The following PDZD2 variants were observed in gnomAD, a reference collection of about 807,000 sequenced individuals.
PDZD2 encodes the protein PDZ domain-containing protein 2.
In PDZD2, 90 loss-of-function variants were observed where a neutral mutation model predicts 220.7. The ratio of observed to expected loss-of-function variants is 0.41; its 90% CI spans 0.34 to 0.49. The LOEUF (loss-of-function observed/expected upper bound fraction) is 0.49, where lower values mean the gene tolerates loss of function less well. PDZD2 is among the 20% of genes least tolerant of loss of function. PDZD2 has a pLI of 0.28. For synonymous variants in PDZD2, 1,375 were observed against 1,450.5 expected (o/e 0.95, Z 1.18); for missense variants, 3,174 against 3,608.5 (o/e 0.88, Z 3.08).
chr5:31,834,700 T>A (rs1352044217), intron 2 of PDZD2, among the ~76,000 whole-genome samples: 1 of 148,268 alleles, frequency 6.7e-6, no homozygotes, highest in Non-Finnish European at 1.5e-5. Context: ...AAGAGATTTA[T>A]CTTACTTGGA....
chr5:31,992,491 C>T (rs1751298095), intron 3 of PDZD2, among the ~76,000 whole-genome samples: 1 of 152,036 alleles, frequency 6.6e-6, no homozygotes, highest in Non-Finnish European at 1.5e-5. Flanking sequence ...CATCGTTTTG[C>T]ATGTTTCTTG....
intron 21 of PDZD2, among the ~76,000 whole-genome samples, chr5:32,095,252 G>T (rs1431547311): frequency 6.6e-6 from 1 of 152,128 alleles, no homozygotes; most frequent in African/African-American, 2.4e-5. Flanking sequence ...CACGAGGCAG[G>T]GTTGTGGTTT....
Position 31,840,423 on chromosome 5 carries a change from TATATATATATATATATATA to T in PDZD2, c.476+40700_476+40718del, listed in dbSNP as rs1757212853. On this transcript the variant is annotated intron_variant, in intron 2 of 24. Transcript: ENST00000438447. ...ATATATATATATATATATATATATA[TATATATATATATATATATA>T]TATATATTTGTTTATAGTCCAGAGG... 16 of 123,220 alleles carry T rather than the reference TATATATATATATATATATA, an allele frequency of 1.3e-4. 1 individual carries two copies. The highest frequency in any genetic ancestry group is 7.6e-4 in the South Asian group (3 of 3,950). The allele number at this position is 123,220 out of a possible 1,614,324, so 7.6% of individuals were successfully genotyped here.
intron 20 of PDZD2, among the ~76,000 whole-genome samples, chr5:32,091,377 C>T (rs1293718464): frequency 6.6e-6 from 1 of 150,792 alleles, no homozygotes; most frequent in Admixed American, 6.6e-5. Flanking sequence ...CTCTGCCTCC[C>T]GGGTTCAAGC....
intron 1 of PDZD2, among the ~76,000 whole-genome samples, chr5:31,770,139 C>G (rs1680051415): frequency 6.6e-6 from 1 of 152,160 alleles, no homozygotes; most frequent in South Asian, 2.1e-4. Context: ...ACATTTGGAG[C>G]TTGTTCTGTT....
At chr5:31,665,650 C>CG (rs1021177355) in intron 1 of PDZD2, among the ~76,000 whole-genome samples, 32 of 117,450 alleles carry the variant, frequency 2.7e-4, no homozygotes, top group Admixed American at 1.3e-3. Context: ...CCCCTCCCCC[C>CG]CCTCCCTTTC....
intron 1 of PDZD2, among the ~76,000 whole-genome samples, chr5:31,734,239 G>A (rs988313161): frequency 1.3e-5 from 2 of 151,968 alleles, no homozygotes; most frequent in Admixed American, 6.6e-5. Flanking sequence ...ACCCTCTCGG[G>A]GTGTTCCACT....
At chr5:31,792,887 G>A (rs535306434) in intron 1 of PDZD2, among the ~76,000 whole-genome samples, 21 of 152,114 alleles carry the variant, frequency 1.4e-4, no homozygotes, top group African/African-American at 5.1e-4. Flanking sequence ...TGCCCAGGCT[G>A]GAGTGCAGTG....
At chr5:31,732,504 G>A (rs943483838) in intron 1 of PDZD2, among the ~76,000 whole-genome samples, 4 of 152,222 alleles carry the variant, frequency 2.6e-5, no homozygotes, top group South Asian at 2.1e-4. Context: ...CCAGAAGGCT[G>A]AGCAGAAGGA....
intron 2 of PDZD2, among the ~76,000 whole-genome samples, chr5:31,823,652 C>T (rs112258495): frequency 0.011 from 1,741 of 152,244 alleles, 20 homozygotes; most frequent in Non-Finnish European, 0.019. Flanking sequence ...AAAAAGATAC[C>T]TCAGGCCTAC....
At chr5:31,810,649 T>C (rs1580802677) in intron 2 of PDZD2, among the ~76,000 whole-genome samples, 1 of 152,196 alleles carries the variant, frequency 6.6e-6, no homozygotes, top group Non-Finnish European at 1.5e-5. Context: ...CAGAGGCAGG[T>C]AACCAACTGC....
intron 2 of PDZD2, among the ~76,000 whole-genome samples, chr5:31,813,277 C>T (rs1295416008): frequency 2.6e-5 from 4 of 151,938 alleles, no homozygotes; most frequent in South Asian, 4.2e-4. Context: ...GGTGAAACCC[C>T]GTCTCTACTA....
At position 31,888,455 on chromosome 5, in the gene PDZD2, G is replaced by T. The variant is rs569253135; in HGVS notation, c.476+88731G>T. On this transcript the variant is annotated intron_variant, in intron 2 of 24. Transcript: ENST00000438447. ...GATCTGCCTGCCTCCGCCTCCCAAA[G>T]TGCTGGGATTACAGGTGTGAGCCAC... Among the ~76,000 whole-genome samples, 6 of 152,336 alleles carry T rather than the reference G, an allele frequency of 3.9e-5. No individual in the cohort carries two copies. In the East Asian group the frequency reaches 7.7e-4, roughly 20 times the overall value.
rs1011764854 is a variant in PDZD2, at chr5:32,098,113, C to T, written c.7948-251C>T. Among the ~76,000 whole-genome samples, 1 of 152,102 alleles carries T rather than the reference C, an allele frequency of 6.6e-6. No individual in the cohort carries two copies. The highest frequency in any genetic ancestry group is 1.5e-5 in the Non-Finnish European group (1 of 68,018). ...TCTCTCCTAACAATACAAAAATTAA[C>T]TTGGCATAGTGGTGTGTGCCTATAA... is the stretch of plus-strand genomic sequence containing the variant. On this transcript the variant is annotated intron_variant, in intron 22 of 24. Transcript: ENST00000438447. The surrounding 1 kb of genome is among the most constrained non-coding windows in gnomAD (Gnocchi z 4.1).
At chr5:31,753,533 G>A (rs1019221712) in intron 1 of PDZD2, among the ~76,000 whole-genome samples, 2 of 152,202 alleles carry the variant, frequency 1.3e-5, no homozygotes, top group African/African-American at 4.8e-5. Flanking sequence ...CCAGGGAGGT[G>A]GAGGTTGCAG....
intron 2 of PDZD2, among the ~76,000 whole-genome samples, chr5:31,979,528 T>C (rs1346976126): frequency 6.7e-6 from 1 of 150,024 alleles, no homozygotes; most frequent in East Asian, 2.0e-4. Flanking sequence ...TGCAGTGAGC[T>C]GAGATTGTGC....
rs1428770769 is a variant in PDZD2 at position 31,854,962 on chromosome 5, G to C, written c.476+55238G>C. The C allele has an allele frequency of 3.0e-6, 3 of 985,448 alleles. No homozygotes were observed. In the South Asian group the frequency reaches 1.4e-4, roughly 46 times the overall value. The allele number at this position is 985,448 out of a possible 1,614,324, so 61.0% of individuals were successfully genotyped here. On this transcript the variant is annotated intron_variant, in intron 2 of 24. Transcript: ENST00000438447. ...CTGGAGCCGGCGGAGAGCAGCCTTC[G>C]GGAAGTCCTGCAGGAGCCGCGTTCC...
At chr5:31,811,603 A>G (rs1755112515) in intron 2 of PDZD2, among the ~76,000 whole-genome samples, 1 of 152,194 alleles carries the variant, frequency 6.6e-6, no homozygotes, top group African/African-American at 2.4e-5. Context: ...TTATTAAGAA[A>G]TTTTGACCTT....
In PDZD2 at chr5:32,097,322, G is replaced by C. The variant is rs778678591; in HGVS notation, c.7889G>C (p.Gly2630Ala). Residue 2630 changes from glycine (G) to alanine (A), a missense_variant, in exon 22 of 25, where the codon GGC becomes GCC. Gly to Ala is a moderately conservative substitution (Grantham distance 60). This residue lies in a region of PDZD2 where 631 missense variants were observed against 789.9 expected (regional missense o/e 0.80). Coordinates refer to ENST00000438447, the MANE Select transcript of PDZD2 (RefSeq NM_178140.4). ...TTCATAGTCTTGAATAGAAAAGAAG[G>C]CTCAGGTCTGGGATTCAGTGTGGCA... ...VCFIVLNRKE[G>A]SGLGFSVAGG... 6.2e-7 allele frequency: 1 copy of C among 1,613,444 alleles called. No homozygotes were observed. The highest frequency in any genetic ancestry group is 8.5e-7 in the Non-Finnish European group (1 of 1,179,352).
Sources: gnomAD v4.1 joint callset for allele counts (sites outside exome capture counted in the v4.1 genomes callset) on GRCh38, gnomAD v4.1.1 for gene constraint, gnomAD v4.1.1 regional missense constraint, Gnocchi (gnomAD v3.1) non-coding constraint, MANE v1.5 for transcripts, NCBI Gene and HGNC (gene_info 2026-07-23, HGNC 2026-07-21) for gene names.